Variants in RYR3 observed in about 807,000 individuals in gnomAD.
RYR3 encodes brain ryanodine receptor-calcium release channel.
RYR3 carries 207 observed loss-of-function variants against 584.3 expected under a neutral mutation model. That is an observed-to-expected ratio of 0.35 (90% CI 0.32 to 0.40). The LOEUF (loss-of-function observed/expected upper bound fraction) is 0.40, where lower values mean the gene tolerates loss of function less well. Among genes scored for constraint, RYR3 ranks in the 10% least tolerant of loss-of-function variants. RYR3 has a pLI of 1.00. For missense variants in RYR3, 5,616 were observed against 6,089.2 expected (o/e 0.92, Z 2.59); for synonymous variants, 2,416 against 2,248.5 (o/e 1.07, Z -2.11).
intron 21 of RYR3, among the ~76,000 whole-genome samples, chr15:33,629,475 C>T (rs1290829177): frequency 6.6e-6 from 1 of 152,134 alleles, no homozygotes; most frequent in Non-Finnish European, 1.5e-5. Flanking sequence ...ACATTAATTT[C>T]AACTTTTCTT....
At chr15:33,813,411 C>T in intron 73 of RYR3, 56 bp from the exon 74 acceptor site, 7 of 1,480,530 alleles carry the variant, frequency 4.7e-6, no homozygotes, top group South Asian at 1.1e-5. Context: ...AGGTGACTAG[C>T]TTCTGCCACC....
intron 12 of RYR3, among the ~76,000 whole-genome samples, chr15:33,577,656 A>G (rs2058366368): frequency 6.6e-6 from 1 of 152,234 alleles, no homozygotes; most frequent in South Asian, 2.1e-4. Flanking sequence ...ACCCAAAACT[A>G]TAAAAACCCT....
intron 103 of RYR3, among the ~76,000 whole-genome samples, chr15:33,864,486 TG>T (rs1889746801): frequency 6.6e-6 from 1 of 151,280 alleles, no homozygotes. Context: ...AGAAATGGAG[TG>T]GGTGGCTGCA....
At chr15:33,586,968 A>G (rs1220524423) in intron 16 of RYR3, among the ~76,000 whole-genome samples, 1 of 151,978 alleles carries the variant, frequency 6.6e-6, no homozygotes, top group Non-Finnish European at 1.5e-5. Context: ...CTGTGCTTCT[A>G]CAGAGTGGGG....
chr15:33,688,582 A>G (rs1345478968), intron 38 of RYR3, among the ~76,000 whole-genome samples: 3 of 151,936 alleles, frequency 2.0e-5, no homozygotes, highest in African/African-American at 7.3e-5. Context: ...CAAAAAAAAA[A>G]AAAAAAAAAG....
intron 76 of RYR3, among the ~76,000 whole-genome samples, chr15:33,819,517 TA>T (rs1326668276): frequency 2.0e-5 from 3 of 151,272 alleles, no homozygotes; most frequent in Non-Finnish European, 4.4e-5. Context: ...ACTAAAAATA[TA>T]AAAAAGTTAG....
At chr15:33,480,820 G>A (rs1162834534) in intron 2 of RYR3, among the ~76,000 whole-genome samples, 1 of 152,182 alleles carries the variant, frequency 6.6e-6, no homozygotes, top group African/African-American at 2.4e-5. Flanking sequence ...GGTGTGTCCT[G>A]TAGTTGTTGG....
At chr15:33,381,894 A>G (rs1215820862) in intron 1 of RYR3, among the ~76,000 whole-genome samples, 2 of 152,122 alleles carry the variant, frequency 1.3e-5, no homozygotes, top group African/African-American at 2.4e-5. Context: ...AGCCTCTATT[A>G]TTTCACTTAG....
Position 33,620,940 on chromosome 15 carries a change from G to A in RYR3, c.2358-2867G>A, listed in dbSNP as rs1284830161. Among the ~76,000 whole-genome samples the A allele has an allele frequency of 2.6e-5, 4 of 152,190 alleles. No homozygotes were observed. In the East Asian group the frequency reaches 7.7e-4, roughly 29 times the overall value. ...TGCACGATGATGTTTAAAGACCAAA[G>A]CTTCAGTATGCAGTAAACACTGATT... On this transcript the variant is annotated intron_variant, in intron 19 of 103. Coordinates refer to ENST00000634891, the MANE Select transcript of RYR3 (RefSeq NM_001036.6).
intron 18 of RYR3, among the ~76,000 whole-genome samples, chr15:33,611,226 G>A (rs1300997081): frequency 6.6e-6 from 1 of 152,042 alleles, no homozygotes; most frequent in Non-Finnish European, 1.5e-5. Flanking sequence ...AGTAGAACAA[G>A]CTACAAAAAC....
chr15:33,504,946 C>A (rs1432351060), intron 3 of RYR3, among the ~76,000 whole-genome samples: 1 of 152,210 alleles, frequency 6.6e-6, no homozygotes, highest in Non-Finnish European at 1.5e-5. Flanking sequence ...TCTGCTGACC[C>A]CACAAGTCTG....
intron 74 of RYR3, chr15:33,815,271 G>A (rs2076756657): frequency 2.0e-5 from 3 of 152,140 alleles, no homozygotes; most frequent in South Asian, 2.1e-4. Context: ...TTCATAGCCC[G>A]TTAGAAAAAG....
chr15:33,436,121 A>G (rs960190234), intron 1 of RYR3, among the ~76,000 whole-genome samples: 12 of 152,186 alleles, frequency 7.9e-5, no homozygotes, highest in African/African-American at 2.7e-4. Context: ...TTCACCTCTC[A>G]ATATCATATA....
chr15:33,472,061 C>T (rs1567312636), intron 1 of RYR3, among the ~76,000 whole-genome samples: 2 of 152,206 alleles, frequency 1.3e-5, no homozygotes, highest in Non-Finnish European at 2.9e-5. Context: ...AAAATGAAGA[C>T]CATGAATTCT....
chr15:33,471,387 T>C (rs2676099), intron 1 of RYR3, among the ~76,000 whole-genome samples: 74,248 of 151,864 alleles, frequency 0.49, 18,362 homozygotes, highest in Middle Eastern at 0.54. Flanking sequence ...CAGGTTATTG[T>C]ATCAGTTTCT....
At chr15:33,379,644 T>A (rs1179452233) in intron 1 of RYR3, among the ~76,000 whole-genome samples, 1 of 88,028 alleles carries the variant, frequency 1.1e-5, no homozygotes, top group Non-Finnish European at 2.0e-5. Flanking sequence ...TTTATGTGTA[T>A]GTGTGTGTGT....
chr15:33,845,914 T>A (rs1040111782), intron 93 of RYR3, among the ~76,000 whole-genome samples: 1 of 152,236 alleles, frequency 6.6e-6, no homozygotes, highest in Non-Finnish European at 1.5e-5. Flanking sequence ...TTCTGTGAGA[T>A]GACTGGCACA....
rs866590814 is a variant in RYR3 at position 33,838,886 on chromosome 15, C to T, written c.12906C>T (p.Asp4302=). ...ATGGGCCTGAAGTGGGTTTGGGTGA[C>T]CTCTCAGAAATTATTGGCAAGGATG... ...LKHGPEVGLG[D]LSEIIGKDEP... is the part of the protein sequence containing the mutation. Residue 4302 remains aspartate (D), a synonymous_variant, in exon 89 of 104, where the codon GAC becomes GAT. Coordinates refer to ENST00000634891, the MANE Select transcript of RYR3 (RefSeq NM_001036.6). 1 of 1,613,944 alleles carries T rather than the reference C, an allele frequency of 6.2e-7. No individual in the cohort carries two copies. The highest frequency in any genetic ancestry group is 8.5e-7 in the Non-Finnish European group (1 of 1,179,874).
intron 2 of RYR3, among the ~76,000 whole-genome samples, chr15:33,473,778 T>C (rs2049140107): frequency 6.6e-6 from 1 of 152,226 alleles, no homozygotes; most frequent in Non-Finnish European, 1.5e-5. Context: ...TGTCCAGGAC[T>C]CTGGGGAGGC....
Sources: gnomAD v4.1 joint callset for allele counts (sites outside exome capture counted in the v4.1 genomes callset) on GRCh38, gnomAD v4.1.1 for gene constraint, MANE v1.5 for transcripts, NCBI Gene and HGNC (gene_info 2026-07-23, HGNC 2026-07-21) for gene names.